Variants in ZNF205 observed in about 807,000 individuals in gnomAD.
The protein encoded by ZNF205 is transcriptional repressor RHIT.
In ZNF205, 32 loss-of-function variants were observed where a neutral mutation model predicts 53.6. That is an observed-to-expected ratio of 0.60 (90% CI 0.45 to 0.80). ZNF205 has a LOEUF of 0.80. Ranked by LOEUF, ZNF205 falls within the 30% of genes least tolerant of loss-of-function variation. The probability of loss-of-function intolerance (pLI) is 0.00; values close to 1 mark genes in which losing one functional copy is unlikely to be tolerated. For missense variants in ZNF205, 836 were observed against 782.4 expected, an observed-to-expected ratio of 1.07 and a Z score of -0.82; for synonymous variants, 382 against 334.3, an observed-to-expected ratio of 1.14 and a Z score of -1.56.
At chr16:3,117,541 G>C (rs894398080) in intron 5 of ZNF205, among the ~76,000 whole-genome samples, 1 of 133,500 alleles carries the variant, frequency 7.5e-6, no homozygotes, top group Non-Finnish European at 1.5e-5. Flanking sequence ...TCGACTTCCT[G>C]GGTTCAAGTG....
intron 2 of ZNF205, 109 bp downstream of exon 2, chr16:3,113,596 G>C (rs1484803183): frequency 3.9e-5 from 49 of 1,247,572 alleles, no homozygotes; most frequent in Non-Finnish European, 1.1e-6. Flanking sequence ...CACTGGGGTG[G>C]GGAGATCAAA....
Position 3,119,467 on chromosome 16 carries a change from T to C in ZNF205, c.807T>C (p.Ser269=). The part of the protein sequence containing the change: ...RTPDAAPPDP[S]PTEPQEYRVP... ...CGGATGCAGCTCCGCCAGACCCCAG[T>C]CCCACGGAGCCCCAGGAGTACCGCG... The change falls in exon 7 of 7, where the codon AGT becomes AGC. Residue 269 remains serine, a synonymous_variant. Transcript: ENST00000219091. 6.3e-7 allele frequency: 1 copy of C among 1,590,184 alleles called. No individual in the cohort carries two copies.
intron 5 of ZNF205, among the ~76,000 whole-genome samples, chr16:3,117,202 C>T (rs1957356851): frequency 6.6e-6 from 1 of 152,198 alleles, no homozygotes; most frequent in Admixed American, 6.5e-5. Flanking sequence ...CTGGGTTCAT[C>T]CGCAGGGCTC....
rs538179466 is a variant in ZNF205, at chr16:3,118,796, G to A, written c.485-109G>A. ...TTGAAACTGCTTTATTTTACCCCCT[G>A]TTTCCAGAGCCTCACCCCCTACTTG... On this transcript the variant is annotated intron_variant, in intron 5 of 6. Coordinates refer to ENST00000219091, the MANE Select transcript of ZNF205 (RefSeq NM_001042428.2). 4.4e-5 allele frequency: 54 copies of A among 1,220,678 alleles called. No homozygotes were observed. The African/African-American group carries it at 8.1e-4, about 18-fold the overall frequency. The allele number at this position is 1,220,678 out of a possible 1,614,324, so 75.6% of individuals were successfully genotyped here.
chr16:3,120,459 G>T lies in ZNF205; in HGVS notation c.*134G>T, dbSNP rs1957415430. On this transcript the variant is annotated 3_prime_UTR_variant, in exon 7 of 7. Coordinates refer to ENST00000219091, the MANE Select transcript of ZNF205 (RefSeq NM_001042428.2). ...GGGCATGGGGTGAGGCATGGCGATG[G>T]GGGAGGGCGAGGGCGAGAAAGGGCA... 2 of 1,100,684 alleles carry T rather than the reference G, an allele frequency of 1.8e-6. No homozygotes were observed. The highest frequency in any genetic ancestry group is 3.2e-5 in the African/African-American group (2 of 63,264). 68.2% of individuals were successfully genotyped at this position (1,100,684 alleles called of 1,614,324 possible).
In ZNF205 at chr16:3,118,677, A is replaced by C. The variant is rs533133042; in HGVS notation, c.485-228A>C. ...AGGGTGTTGCCCACTCCCGTCCCTT[A>C]AACTCCGTTGCTCTTTCAGGGAAAG... On this transcript the variant is annotated intron_variant, in intron 5 of 6. Coordinates refer to ENST00000219091, the MANE Select transcript of ZNF205 (RefSeq NM_001042428.2). Among the ~76,000 whole-genome samples the C allele has an allele frequency of 3.9e-5, 6 of 152,174 alleles. No individual in the cohort carries two copies. In the East Asian group the frequency reaches 1.2e-3, roughly 30 times the overall value.
Position 3,115,421 on chromosome 16 carries a change from G to T in ZNF205, c.124G>T (p.Asp42Tyr), listed in dbSNP as rs535018834. 2.5e-6 allele frequency: 4 copies of T among 1,611,940 alleles called. No individual in the cohort carries two copies. Among genetic ancestry groups the T allele is most frequent in the Non-Finnish European group, 2.5e-6 (3 of 1,178,960 alleles). Residue 42 changes from aspartate to tyrosine, a missense_variant, in exon 3 of 7, where the codon GAC (aspartate) becomes TAC (tyrosine). By Grantham distance (160) the Asp-to-Tyr change is radical (BLOSUM62 -3). Transcript: ENST00000219091. ...GCTGGGGGAGGCGGTACCTTCAGGG[G>T]ACACTCAGGAGTCACTGCACATTAA... ...SKLGEAVPSG[D>Y]TQESLHIKME...
At position 3,119,673 on chromosome 16, in the gene ZNF205, G is replaced by A. The variant is rs757923626; in HGVS notation, c.1013G>A (p.Cys338Tyr). Reference sequence around the variant, plus strand: ...CACACGGGCGAGAAGCCCTACGCCTGCACTGACTGCGGGAAGCGCTTCGGC... The same window carrying A: ...CACACGGGCGAGAAGCCCTACGCCTACACTGACTGCGGGAAGCGCTTCGGC... ...RTHTGEKPYA[C>Y]TDCGKRFGRS... Residue 338 changes from cysteine to tyrosine, a missense_variant, in exon 7 of 7, where the codon TGC (cysteine) becomes TAC (tyrosine). Coordinates refer to ENST00000219091, the MANE Select transcript of ZNF205 (RefSeq NM_001042428.2). The A allele has an allele frequency of 6.2e-7, 1 of 1,613,394 alleles. No homozygotes were observed. The highest frequency in any genetic ancestry group is 1.7e-5 in the Admixed American group (1 of 60,016).
chr16:3,116,464 C>T lies in ZNF205; in HGVS notation c.401C>T (p.Ser134Phe). Residue 134 changes from serine to phenylalanine, a missense_variant, in exon 5 of 7, where the codon TCC (serine) becomes TTC (phenylalanine). Ser to Phe is a radical substitution (Grantham distance 155, BLOSUM62 -2). Coordinates refer to ENST00000219091, the MANE Select transcript of ZNF205 (RefSeq NM_001042428.2). ...VTFEDVALYL[S>F]REEWGRLDHT... is the part of the protein sequence containing the mutation. ...TTCGAGGATGTGGCCTTGTACCTCT[C>T]CCGGGAGGAGTGGGGACGGCTGGAC... 1.9e-6 allele frequency: 3 copies of T among 1,614,088 alleles called. No homozygotes were observed. Among genetic ancestry groups the T allele is most frequent in the Non-Finnish European group, 2.5e-6 (3 of 1,180,036 alleles).
chr16:3,119,946 T>C lies in ZNF205; in HGVS notation c.1286T>C (p.Phe429Ser), dbSNP rs1407783890. 5 of 1,613,592 alleles carry C rather than the reference T, an allele frequency of 3.1e-6. No homozygotes were observed. The highest frequency in any genetic ancestry group is 4.2e-6 in the Non-Finnish European group (5 of 1,179,920). The change falls in exon 7 of 7, where the codon TTC becomes TCC. Residue 429 changes from phenylalanine to serine, a missense_variant. Coordinates refer to ENST00000219091, the MANE Select transcript of ZNF205 (RefSeq NM_001042428.2). ...PHKCPICAKC[F>S]TQSSALVTHQ... is the part of the protein sequence containing the mutation. ...AAGTGCCCCATCTGCGCCAAGTGCT[T>C]CACGCAGAGCTCGGCGCTAGTCACC...
In ZNF205 at chr16:3,120,459, G is replaced by A; in HGVS notation, c.*134G>A. On this transcript the variant is annotated 3_prime_UTR_variant, in exon 7 of 7. Coordinates refer to ENST00000219091, the MANE Select transcript of ZNF205 (RefSeq NM_001042428.2). ...GGGCATGGGGTGAGGCATGGCGATGGGGGAGGGCGAGGGCGAGAAAGGGCA... is the reference window on the plus strand; with the variant it reads ...GGGCATGGGGTGAGGCATGGCGATGAGGGAGGGCGAGGGCGAGAAAGGGCA... 2 of 1,100,684 alleles carry A rather than the reference G, an allele frequency of 1.8e-6. No individual in the cohort carries two copies. 68.2% of individuals were successfully genotyped at this position (1,100,684 alleles called of 1,614,324 possible).
chr16:3,113,280 T>G, intron 1 of ZNF205, 137 bp from the exon 2 acceptor site: 1 of 719,554 alleles, frequency 1.4e-6, no homozygotes, highest in Middle Eastern at 2.6e-4. Context: ...GCGCTGGTAC[T>G]CGTGGGGATT....
chr16:3,114,530 G>C (rs1005762710), intron 2 of ZNF205, among the ~76,000 whole-genome samples: 2 of 152,176 alleles, frequency 1.3e-5, no homozygotes, highest in African/African-American at 2.4e-5. Flanking sequence ...AGTCCGGCCA[G>C]TTCCTGTGCT....
In ZNF205 at chr16:3,112,713, G is replaced by T. The variant is rs550588029; in HGVS notation, c.-15+31G>T. ...AAGGGGGTGCTGGGGAGGGCATCTG[G>T]ATCCCGAGACCGGCGCAGATGATCA... On this transcript the variant is annotated intron_variant, in intron 1 of 6. Transcript: ENST00000219091. 34 of 275,816 alleles carry T rather than the reference G, an allele frequency of 1.2e-4. 1 individual carries two copies. The highest frequency in any genetic ancestry group is 1.6e-4 in the Non-Finnish European group (22 of 136,366). The allele number at this position is 275,816 out of a possible 1,614,324, so 17.1% of individuals were successfully genotyped here. A position where few individuals can be genotyped will look rare whatever the true frequency, so the allele number is the denominator to read the frequency against.
At position 3,119,363 on chromosome 16, in the gene ZNF205, T is replaced by C; in HGVS notation, c.703T>C (p.Cys235Arg). ...GAGAGTCCAGTGGGGCGTCCCGCAG[T>C]GCGCGCAGGAAGCAGCCTGCGGCCG... ...AGRVQWGVPQ[C>R]AQEAACGRSS... The change falls in exon 7 of 7, where the codon TGC becomes CGC. Residue 235 changes from cysteine to arginine, a missense_variant. Physicochemically the swap from Cys to Arg is radical, Grantham distance 180. Transcript: ENST00000219091. 1 of 1,612,608 alleles carries C rather than the reference T, an allele frequency of 6.2e-7. No homozygotes were observed. The highest frequency in any genetic ancestry group is 8.5e-7 in the Non-Finnish European group (1 of 1,179,776).
chr16:3,119,063 C>T (rs1489056101), intron 6 of ZNF205, 48 bp downstream of exon 6: 2 of 1,592,066 alleles, frequency 1.3e-6, no homozygotes, highest in Non-Finnish European at 1.7e-6. Flanking sequence ...GGCGCAGACG[C>T]AGGCCTTCTG....
At position 3,120,464 on chromosome 16, in the gene ZNF205, G is replaced by A; in HGVS notation, c.*139G>A. 9.8e-7 allele frequency: 1 copy of A among 1,023,180 alleles called. No individual in the cohort carries two copies. Among genetic ancestry groups the A allele is most frequent in the East Asian group, 2.6e-5 (1 of 37,864 alleles). 63.4% of individuals were successfully genotyped at this position (1,023,180 alleles called of 1,614,324 possible). On this transcript the variant is annotated 3_prime_UTR_variant, in exon 7 of 7. Coordinates refer to ENST00000219091, the MANE Select transcript of ZNF205 (RefSeq NM_001042428.2). ...TGGGGTGAGGCATGGCGATGGGGGA[G>A]GGCGAGGGCGAGAAAGGGCAGGCAC...
intron 2 of ZNF205, 80 bp from the exon 3 acceptor site, chr16:3,115,275 G>C: frequency 8.5e-7 from 1 of 1,182,116 alleles, no homozygotes; most frequent in Non-Finnish European, 1.1e-6. Flanking sequence ...GTTGGTTTCC[G>C]ACGCTGCCGG....
At chr16:3,118,116 C>T (rs1957368880) in intron 5 of ZNF205, among the ~76,000 whole-genome samples, 1 of 150,530 alleles carries the variant, frequency 6.6e-6, no homozygotes, top group African/African-American at 2.4e-5. Context: ...CCCACCTCGG[C>T]CTCCCAAAGT....
Sources: gnomAD v4.1 joint callset for allele counts (sites outside exome capture counted in the v4.1 genomes callset) on GRCh38, gnomAD v4.1.1 for gene constraint, MANE v1.5 for transcripts, NCBI Gene and HGNC (gene_info 2026-07-23, HGNC 2026-07-21) for gene names.